The following CDH8 variants were observed in gnomAD, a reference collection of about 807,000 sequenced individuals.
CDH8 encodes the protein cadherin-8.
Under a neutral mutation model 68.1 loss-of-function variants are expected in CDH8, and 17 were observed. That is an observed-to-expected ratio of 0.25 (90% CI 0.17 to 0.37). CDH8 has a LOEUF of 0.37. Ranked by LOEUF, CDH8 falls within the 10% of genes least tolerant of loss-of-function variation. The pLI is 1.00. For synonymous variants in CDH8, 372 were observed against 365.1 expected, an observed-to-expected ratio of 1.02 and a Z score of -0.21; for missense variants, 763 against 999.3, an observed-to-expected ratio of 0.76 and a Z score of 3.19.
At chr16:61,691,071 G>A (rs557401782) in intron 10 of CDH8, among the ~76,000 whole-genome samples, 4 of 151,972 alleles carry the variant, frequency 2.6e-5, no homozygotes, top group Admixed American at 6.6e-5. Context: ...TCTTCGAAAA[G>A]GCCTGTTTTC....
intron 8 of CDH8, among the ~76,000 whole-genome samples, chr16:61,770,910 G>A (rs989691288): frequency 6.6e-6 from 1 of 151,918 alleles, no homozygotes; most frequent in African/African-American, 2.4e-5. Context: ...AATGTTTTCT[G>A]TATTCACTTT....
intron 2 of CDH8, among the ~76,000 whole-genome samples, chr16:61,906,697 G>A (rs1437671367): frequency 1.3e-5 from 2 of 152,130 alleles, no homozygotes; most frequent in Non-Finnish European, 2.9e-5. Flanking sequence ...AATATTTGTG[G>A]AGTAAAGTGA....
chr16:61,959,880 T>C (rs1965059353), intron 2 of CDH8, among the ~76,000 whole-genome samples: 3 of 146,466 alleles, frequency 2.0e-5, no homozygotes, highest in Admixed American at 6.8e-5. Context: ...TATATATGTG[T>C]ATATGTGTTT....
At chr16:61,729,995 G>GCACACA (rs35622399) in intron 8 of CDH8, among the ~76,000 whole-genome samples, 15 of 148,844 alleles carry the variant, frequency 1.0e-4, no homozygotes, top group Non-Finnish European at 1.7e-4. Context: ...ACGTGTGCAT[G>GCACACA]CACACACACA....
chr16:61,969,938 T>C (rs545302258), intron 2 of CDH8, among the ~76,000 whole-genome samples: 5 of 152,342 alleles, frequency 3.3e-5, no homozygotes, highest in Admixed American at 6.5e-5. Flanking sequence ...TTCTCTTAGT[T>C]TGAAATACTA....
chr16:61,811,598 C>T (rs1276096844), intron 7 of CDH8, among the ~76,000 whole-genome samples: 2 of 152,052 alleles, frequency 1.3e-5, no homozygotes, highest in Admixed American at 6.6e-5. Flanking sequence ...TATTAGCACT[C>T]CTATGTTCAT....
Position 62,021,267 on chromosome 16 carries a change from A to G in CDH8, c.137T>C (p.Leu46Pro). 2.5e-6 allele frequency: 4 copies of G among 1,614,032 alleles called. No individual in the cohort carries two copies. The highest frequency in any genetic ancestry group is 3.4e-6 in the Non-Finnish European group (4 of 1,179,938). Residue 46 changes from leucine (L) to proline (P), a missense_variant, in exon 2 of 12, where the codon CTA (leucine) becomes CCA (proline). Leu to Pro is a moderately conservative substitution (Grantham distance 98, BLOSUM62 -3). This residue lies in a region of CDH8 where 366 missense variants were observed against 563.1 expected (regional missense o/e 0.65). Coordinates refer to ENST00000577390, the MANE Select transcript of CDH8 (RefSeq NM_001796.5). ...TCGCTGTTCTTCACCCAGACTGTTT[A>G]GTTCCAAAGGGGATCCACTCATTAA... ...QVLMSGSPLE[L>P]NSLGEEQRIL...
chr16:61,953,799 G>T (rs186324807), intron 2 of CDH8, among the ~76,000 whole-genome samples: 24 of 150,522 alleles, frequency 1.6e-4, no homozygotes, highest in Admixed American at 1.5e-3. Flanking sequence ...AGCCCAAGTG[G>T]TCGAGGCTGC....
chr16:61,900,681 G>A (rs1211233501), intron 3 of CDH8, among the ~76,000 whole-genome samples: 4 of 152,092 alleles, frequency 2.6e-5, no homozygotes, highest in Non-Finnish European at 5.9e-5. Context: ...CAAATACAGA[G>A]GCCCTTGGTA....
intron 11 of CDH8, among the ~76,000 whole-genome samples, chr16:61,654,632 C>T (rs1417993510): frequency 6.6e-6 from 1 of 152,108 alleles, no homozygotes; most frequent in Non-Finnish European, 1.5e-5. Context: ...GCTGGAATGC[C>T]TCTAGCTGGG....
At chr16:61,862,561 C>T (rs552960102) in intron 3 of CDH8, among the ~76,000 whole-genome samples, 1 of 152,264 alleles carries the variant, frequency 6.6e-6, no homozygotes, top group East Asian at 1.9e-4. Flanking sequence ...CACTACTTTC[C>T]GTCAAGGACG....
At chr16:61,889,653 C>T (rs991813353) in intron 3 of CDH8, among the ~76,000 whole-genome samples, 2 of 152,118 alleles carry the variant, frequency 1.3e-5, no homozygotes, top group African/African-American at 4.8e-5. Context: ...ACTCCCCAGC[C>T]CCTTTTAATA....
At chr16:61,782,500 C>A (rs1476756903) in intron 8 of CDH8, among the ~76,000 whole-genome samples, 2 of 152,030 alleles carry the variant, frequency 1.3e-5, no homozygotes, top group African/African-American at 2.4e-5. Flanking sequence ...AAGGCAGCAG[C>A]GAGGCTGGGG....
At chr16:61,686,432 A>G (rs1054141776) in intron 10 of CDH8, among the ~76,000 whole-genome samples, 1 of 151,988 alleles carries the variant, frequency 6.6e-6, no homozygotes, top group African/African-American at 2.4e-5. Flanking sequence ...TTCTCATTCC[A>G]AAGTTCTTAT....
At chr16:61,767,649 C>G (rs1960627896) in intron 8 of CDH8, among the ~76,000 whole-genome samples, 1 of 151,846 alleles carries the variant, frequency 6.6e-6, no homozygotes, top group African/African-American at 2.4e-5. Flanking sequence ...AGTCACCTTG[C>G]TAGGTTCATT....
At chr16:61,840,282 G>T (rs1044746573) in intron 4 of CDH8, among the ~76,000 whole-genome samples, 8 of 152,038 alleles carry the variant, frequency 5.3e-5, no homozygotes, top group African/African-American at 1.9e-4. Flanking sequence ...AAAAAGCATT[G>T]TAATACCTCT....
chr16:61,973,120 C>G (rs1194315132), intron 2 of CDH8, among the ~76,000 whole-genome samples: 3 of 152,078 alleles, frequency 2.0e-5, no homozygotes, highest in Non-Finnish European at 4.4e-5. Context: ...TTTCACCCAC[C>G]GAGTGTAACT....
chr16:61,869,172 T>C (rs770730511), intron 3 of CDH8, among the ~76,000 whole-genome samples: 6 of 152,180 alleles, frequency 3.9e-5, no homozygotes, highest in Non-Finnish European at 5.9e-5. Context: ...TCTCACACTA[T>C]ATATGTTTCT....
At chr16:61,888,081 A>C (rs918455113) in intron 3 of CDH8, among the ~76,000 whole-genome samples, 26 of 152,294 alleles carry the variant, frequency 1.7e-4, no homozygotes, top group African/African-American at 6.0e-4. Context: ...GACATCAGGC[A>C]CTGGGCTCTT....
Sources: gnomAD v4.1 joint callset for allele counts (sites outside exome capture counted in the v4.1 genomes callset) on GRCh38, gnomAD v4.1.1 for gene constraint, gnomAD v4.1.1 regional missense constraint, MANE v1.5 for transcripts, NCBI Gene and HGNC (gene_info 2026-07-23, HGNC 2026-07-21) for gene names.